GNA14: variants seen among roughly 807,000 people sequenced by gnomAD.
The protein encoded by GNA14 is guanine nucleotide-binding protein subunit alpha-14.
In GNA14, 50 loss-of-function variants were observed where a neutral mutation model predicts 42.0. The observed-to-expected ratio is 1.19, with a 90% confidence interval of 0.95 to 1.51. GNA14 has a LOEUF of 1.51. Among genes scored for constraint, GNA14 ranks in the 40% most tolerant of loss-of-function variants. The probability of loss-of-function intolerance (pLI) is 0.00; values close to 1 mark genes in which losing one functional copy is unlikely to be tolerated. For missense variants in GNA14, 473 were observed against 446.2 expected, an observed-to-expected ratio of 1.06 and a Z score of -0.54; for synonymous variants, 173 against 163.1, an observed-to-expected ratio of 1.06 and a Z score of -0.46.
At chr9:77,440,929 T>G (rs1302259240) in intron 2 of GNA14, among the ~76,000 whole-genome samples, 1 of 152,166 alleles carries the variant, frequency 6.6e-6, no homozygotes, top group Non-Finnish European at 1.5e-5. Flanking sequence ...TTGGCCAGGC[T>G]GGTCCTGAAC....
intron 1 of GNA14, among the ~76,000 whole-genome samples, chr9:77,622,731 C>CAAAAAA (rs71503227): frequency 0.17 from 20,410 of 121,760 alleles, 1,769 homozygotes; most frequent in South Asian, 0.24. Context: ...ACTAAAAATA[C>CAAAAAA]AAAAAAAAGA....
At chr9:77,641,169 G>T (rs1824261688) in intron 1 of GNA14, among the ~76,000 whole-genome samples, 1 of 131,424 alleles carries the variant, frequency 7.6e-6, no homozygotes, top group South Asian at 2.8e-4. Flanking sequence ...AGGAAGGAAG[G>T]AAGGAAGGGC....
intron 2 of GNA14, among the ~76,000 whole-genome samples, chr9:77,489,987 GT>G (rs1239799302): frequency 2.0e-5 from 3 of 152,150 alleles, no homozygotes; most frequent in African/African-American, 7.2e-5. Flanking sequence ...CGAGCAGCCT[GT>G]TTTCTCAGGG....
chr9:77,503,374 G>A (rs1266786037), intron 2 of GNA14, among the ~76,000 whole-genome samples: 1 of 152,274 alleles, frequency 6.6e-6, no homozygotes, highest in East Asian at 1.9e-4. Flanking sequence ...CTAGATGAGA[G>A]AGGCACCCAA....
At chr9:77,471,888 C>T (rs1431174364) in intron 2 of GNA14, among the ~76,000 whole-genome samples, 1 of 152,114 alleles carries the variant, frequency 6.6e-6, no homozygotes, top group South Asian at 2.1e-4. Flanking sequence ...TTATTATGAG[C>T]AGGTATAAAC....
chr9:77,543,595 G>A (rs372904648), intron 1 of GNA14, among the ~76,000 whole-genome samples: 6 of 152,150 alleles, frequency 3.9e-5, no homozygotes, highest in Non-Finnish European at 2.9e-5. Flanking sequence ...AGGGTTAAGC[G>A]CCTCTCGCTG....
rs200957339 is a variant in GNA14 at position 77,473,611 on chromosome 9, ATT to A, written c.310-39091_310-39090del. Among the ~76,000 whole-genome samples, 658 of 132,502 alleles carry A rather than the reference ATT, an allele frequency of 5.0e-3. 4 individuals carry two copies. The highest frequency in any genetic ancestry group is 0.017 in the African/African-American group (610 of 36,658). The allele number at this position is 132,502 out of a possible 152,430, so 86.9% of individuals were successfully genotyped here. On this transcript the variant is annotated intron_variant, in intron 2 of 6. Coordinates refer to ENST00000341700, the MANE Select transcript of GNA14 (RefSeq NM_004297.4). The stretch of plus-strand genomic sequence containing the variant: ...CAATCTCTATTAAAATTTCACCTGG[ATT>A]TTTTTTTTTTTTTTTTTGGCAGAAA...
chr9:77,565,257 G>A (rs1258140398), intron 1 of GNA14, among the ~76,000 whole-genome samples: 1 of 152,130 alleles, frequency 6.6e-6, no homozygotes, highest in Non-Finnish European at 1.5e-5. Context: ...CTGAGTATTT[G>A]AATGAGACTG....
At chr9:77,453,124 A>C (rs946893940) in intron 2 of GNA14, among the ~76,000 whole-genome samples, 5 of 152,168 alleles carry the variant, frequency 3.3e-5, no homozygotes, top group Non-Finnish European at 1.5e-5. Context: ...TGGGTGACAG[A>C]GCAAGACCCT....
At chr9:77,584,970 C>G in intron 1 of GNA14, among the ~76,000 whole-genome samples, 1 of 152,128 alleles carries the variant, frequency 6.6e-6, no homozygotes, top group Middle Eastern at 3.4e-3. Context: ...TGGGATTTAG[C>G]CGGCTTCTTT....
intron 2 of GNA14, among the ~76,000 whole-genome samples, chr9:77,445,072 G>A (rs1184925326): frequency 6.6e-6 from 1 of 152,194 alleles, no homozygotes; most frequent in Admixed American, 6.5e-5. Context: ...AACTGGGGAG[G>A]AGTGAAGGGA....
intron 5 of GNA14, 41 bp from the exon 6 acceptor site, chr9:77,425,756 A>G: frequency 6.8e-7 from 1 of 1,473,502 alleles, no homozygotes. Context: ...GTAGAAAGGA[A>G]ATATTTTGGA....
intron 1 of GNA14, among the ~76,000 whole-genome samples, chr9:77,538,742 G>A (rs927971353): frequency 6.6e-6 from 1 of 152,070 alleles, no homozygotes; most frequent in African/African-American, 2.4e-5. Context: ...CACAATTGGT[G>A]TATAGATATG....
chr9:77,558,795 G>C (rs1314412173), intron 1 of GNA14, among the ~76,000 whole-genome samples: 3 of 151,914 alleles, frequency 2.0e-5, no homozygotes, highest in African/African-American at 2.4e-5. Context: ...AGATAATAAT[G>C]ATTTTCCAAG....
chr9:77,631,775 G>C (rs1350111361), intron 1 of GNA14, among the ~76,000 whole-genome samples: 2 of 152,148 alleles, frequency 1.3e-5, no homozygotes, highest in Non-Finnish European at 2.9e-5. Flanking sequence ...CAATAATGTT[G>C]ATACTAAATG....
chr9:77,423,082 T>C lies in GNA14; in HGVS notation c.*897A>G, dbSNP rs982210719. 6.6e-6 allele frequency: 1 copy of C among 152,098 alleles called. No individual in the cohort carries two copies. The highest frequency in any genetic ancestry group is 2.4e-5 in the African/African-American group (1 of 41,408). 9.4% of individuals were successfully genotyped at this position (152,098 alleles called of 1,614,324 possible). On this transcript the variant is annotated 3_prime_UTR_variant, in exon 7 of 7. Transcript: ENST00000341700. The stretch of plus-strand genomic sequence containing the variant: ...GAAACACAACATAACCCAGTGCTAA[T>C]AGCAGAATGGTATATTCTTAGCCTC...
At chr9:77,450,852 G>T (rs1165013908) in intron 2 of GNA14, among the ~76,000 whole-genome samples, 1 of 151,926 alleles carries the variant, frequency 6.6e-6, no homozygotes, top group African/African-American at 2.4e-5. Flanking sequence ...TCTCTTGATA[G>T]TGAATAAGGC....
At chr9:77,434,742 C>T (rs1389480482) in intron 2 of GNA14, among the ~76,000 whole-genome samples, 1 of 152,154 alleles carries the variant, frequency 6.6e-6, no homozygotes, top group Non-Finnish European at 1.5e-5. Flanking sequence ...AGAGAGCCAC[C>T]AGCAGCCCAA....
intron 2 of GNA14, among the ~76,000 whole-genome samples, chr9:77,462,404 A>G (rs1211430088): frequency 6.6e-6 from 1 of 152,066 alleles, no homozygotes; most frequent in Non-Finnish European, 1.5e-5. Context: ...TCCTTTCTGC[A>G]TTCTCCCAAC....
Sources: gnomAD v4.1 joint callset for allele counts (sites outside exome capture counted in the v4.1 genomes callset) on GRCh38, gnomAD v4.1.1 for gene constraint, MANE v1.5 for transcripts, NCBI Gene and HGNC (gene_info 2026-07-23, HGNC 2026-07-21) for gene names.